Variants in ATAD5 observed in about 807,000 individuals in gnomAD.
ATAD5 encodes the protein ATPase family AAA domain-containing protein 5.
ATAD5 carries 58 observed loss-of-function variants against 176.9 expected under a neutral mutation model. The ratio of observed to expected loss-of-function variants is 0.33; its 90% CI spans 0.27 to 0.41. The LOEUF (loss-of-function observed/expected upper bound fraction) is 0.41. Among genes scored for constraint, ATAD5 ranks in the 10% least tolerant of loss-of-function variants. The pLI, the probability that ATAD5 is intolerant of heterozygous loss-of-function variation, is 1.00. For synonymous variants in ATAD5, 640 were observed against 712.6 expected (o/e 0.90, Z 1.62); for missense variants, 1,789 against 2,094.1 (o/e 0.85, Z 2.84).
chr17:30,859,686 G>A (rs778898718), intron 9 of ATAD5, among the ~76,000 whole-genome samples: 2 of 151,120 alleles, frequency 1.3e-5, no homozygotes, highest in Non-Finnish European at 1.5e-5. Context: ...TAAGAGACAC[G>A]GTCTCACTTT....
At position 30,895,347 on chromosome 17, in the gene ATAD5, AATT is replaced by A. The variant is rs1909852503; in HGVS notation, c.*437_*439del. On this transcript the variant is annotated 3_prime_UTR_variant, in exon 23 of 23. Coordinates refer to ENST00000321990, the MANE Select transcript of ATAD5 (RefSeq NM_024857.5). Reference sequence around the variant, plus strand: ...ACAAAAACAAAAACATTATCTGGTGAATTATATTTTTAACCTAAAAGTTAAGGA... The same window carrying A: ...ACAAAAACAAAAACATTATCTGGTGAATATTTTTAACCTAAAAGTTAAGGA... 6.6e-6 allele frequency: 1 copy of A among 152,230 alleles called. No homozygotes were observed. Among genetic ancestry groups the A allele is most frequent in the African/African-American group, 2.4e-5 (1 of 41,382 alleles). 9.4% of individuals were successfully genotyped at this position (152,230 alleles called of 1,614,324 possible). A position where few individuals can be genotyped will look rare whatever the true frequency, so the allele number is the denominator to read the frequency against.
intron 9 of ATAD5, among the ~76,000 whole-genome samples, chr17:30,860,045 A>G (rs906532315): frequency 6.6e-6 from 1 of 150,944 alleles, no homozygotes; most frequent in Non-Finnish European, 1.5e-5. Context: ...TTTTTAAGAG[A>G]CAGGGTCTCA....
chr17:30,857,202 G>C, intron 8 of ATAD5, 90 bp downstream of exon 8: 1 of 1,403,082 alleles, frequency 7.1e-7, no homozygotes, highest in Non-Finnish European at 9.6e-7. Context: ...TTATAGCCTC[G>C]AGTGTTGTCC....
In ATAD5 at chr17:30,885,697, A is replaced by G. The variant is rs1597996446; in HGVS notation, c.4078-1495A>G. 4.4e-5 allele frequency among the ~76,000 whole-genome samples: 6 copies of G among 135,842 alleles called. 1 individual carries two copies. In the Admixed American group the frequency reaches 5.1e-4, roughly 11 times the overall value. The allele number at this position is 135,842 out of a possible 152,430, so 89.1% of individuals were successfully genotyped here. A position where few individuals can be genotyped will look rare whatever the true frequency, so the allele number is the denominator to read the frequency against. On this transcript the variant is annotated intron_variant, in intron 18 of 22. Transcript: ENST00000321990. ...CGCCCAGGCTGGAGTGCAGTGGGGC[A>G]ATTTCGGCTCACTGCAACCTCCACC...
chr17:30,852,303 A>T (rs539538904), intron 6 of ATAD5, among the ~76,000 whole-genome samples: 64 of 152,186 alleles, frequency 4.2e-4, no homozygotes, highest in African/African-American at 1.4e-3. Context: ...CTCATAATTT[A>T]TGGAGCATTT....
chr17:30,887,566 T>C (rs568837703), intron 19 of ATAD5, among the ~76,000 whole-genome samples, 194 bp downstream of exon 19: 2 of 152,104 alleles, frequency 1.3e-5, no homozygotes, highest in African/African-American at 4.8e-5. Flanking sequence ...AGAAAATTTA[T>C]GGGAGGCCAA....
At chr17:30,887,442 T>C in intron 19 of ATAD5, 70 bp downstream of exon 19, 3 of 1,335,140 alleles carry the variant, frequency 2.2e-6, no homozygotes, top group South Asian at 1.3e-5. Flanking sequence ...TATGGCTGGG[T>C]GCAGTGGCTC....
chr17:30,848,001 C>G (rs924108522), intron 6 of ATAD5, among the ~76,000 whole-genome samples: 8 of 151,912 alleles, frequency 5.3e-5, no homozygotes, highest in Admixed American at 3.9e-4. Flanking sequence ...ATTACAAGCG[C>G]GAGCCACCGC....
At chr17:30,844,087 G>A (rs571257446) in intron 5 of ATAD5, 48 bp downstream of exon 5, 19 of 1,342,592 alleles carry the variant, frequency 1.4e-5, no homozygotes, top group Non-Finnish European at 1.6e-5. Flanking sequence ...ATGTTTTGGG[G>A]TTTTTGTTTT....
chr17:30,841,559 G>T (rs541419596), intron 4 of ATAD5, among the ~76,000 whole-genome samples: 2 of 152,210 alleles, frequency 1.3e-5, no homozygotes, highest in African/African-American at 4.8e-5. Flanking sequence ...TGGAAGAGTT[G>T]TGCATCCATT....
At chr17:30,851,261 C>G (rs936680343) in intron 6 of ATAD5, among the ~76,000 whole-genome samples, 3 of 150,426 alleles carry the variant, frequency 2.0e-5, no homozygotes, top group Admixed American at 2.0e-4. Flanking sequence ...CTTTGGGAGG[C>G]CAAGGCGTGT....
chr17:30,876,258 T>G, intron 14 of ATAD5, 116 bp from the exon 15 acceptor site: 2 of 854,694 alleles, frequency 2.3e-6, no homozygotes, highest in Non-Finnish European at 3.4e-6. Flanking sequence ...GAAAGAAAAT[T>G]TCTGTGTCTT....
At chr17:30,860,302 G>A (rs1320467013) in intron 9 of ATAD5, 131 bp from the exon 10 acceptor site, 1 of 1,021,174 alleles carries the variant, frequency 9.8e-7, no homozygotes, top group Non-Finnish European at 1.4e-6. Flanking sequence ...GGGATTAGAG[G>A]CCTGAGCCAC....
chr17:30,866,182 CA>C (rs1907962790), intron 11 of ATAD5, among the ~76,000 whole-genome samples: 1 of 115,588 alleles, frequency 8.7e-6, no homozygotes, highest in African/African-American at 3.4e-5. Flanking sequence ...GTAGAATTTA[CA>C]AATTTTTTTT....
intron 2 of ATAD5, among the ~76,000 whole-genome samples, chr17:30,836,278 A>G (rs1905740399): frequency 6.6e-6 from 1 of 151,724 alleles, no homozygotes; most frequent in Non-Finnish European, 1.5e-5. Flanking sequence ...TCCCAGGTTC[A>G]AGCAATTCTC....
chr17:30,868,298 C>A, intron 11 of ATAD5, 35 bp from the exon 12 acceptor site: 6 of 1,503,092 alleles, frequency 4.0e-6, no homozygotes, highest in Non-Finnish European at 5.4e-6. Context: ...TAGCTATATT[C>A]TGTGAATTAT....
intron 14 of ATAD5, among the ~76,000 whole-genome samples, chr17:30,875,016 A>G (rs1908578034): frequency 6.6e-6 from 1 of 152,112 alleles, no homozygotes; most frequent in African/African-American, 2.4e-5. Flanking sequence ...TGTCTGTGAC[A>G]GCTTTTTTAA....
At chr17:30,878,228 G>A (rs1908784557) in intron 17 of ATAD5, 132 bp downstream of exon 17, 1 of 633,168 alleles carries the variant, frequency 1.6e-6, no homozygotes, top group Non-Finnish European at 2.8e-6. Flanking sequence ...GGGTTACTAT[G>A]TTGGGTATTA....
At chr17:30,851,791 C>T (rs1449790932) in intron 6 of ATAD5, among the ~76,000 whole-genome samples, 14 of 152,184 alleles carry the variant, frequency 9.2e-5, no homozygotes, top group Admixed American at 9.2e-4. Flanking sequence ...CCGTGTTGGC[C>T]AGGCTGTCTC....
Sources: allele counts gnomAD v4.1 joint callset (sites outside exome capture counted in the v4.1 genomes callset), GRCh38; gene constraint gnomAD v4.1.1; transcripts MANE v1.5; gene names NCBI Gene and HGNC (gene_info 2026-07-23, HGNC 2026-07-21).